WDR1: variants seen among roughly 807,000 people sequenced by gnomAD.
WDR1 encodes WD repeat-containing protein 1.
In WDR1, 21 loss-of-function variants were observed where a neutral mutation model predicts 71.9. That is an observed-to-expected ratio of 0.29 (90% confidence interval 0.21 to 0.42). The LOEUF (loss-of-function observed/expected upper bound fraction) is 0.42, where lower values mean the gene tolerates loss of function less well. Among genes scored for constraint, WDR1 ranks in the 10% least tolerant of loss-of-function variants. The probability of loss-of-function intolerance (pLI) is 1.00; values close to 1 mark genes in which losing one functional copy is unlikely to be tolerated. For missense variants in WDR1, 696 were observed against 824.5 expected (o/e 0.84, Z 1.91); for synonymous variants, 424 against 347.4 (o/e 1.22, Z -2.45).
intron 5 of WDR1, chr4:10,092,325 C>T (rs1481605649): frequency 3.9e-5 from 6 of 152,314 alleles, no homozygotes; most frequent in Non-Finnish European, 7.3e-5. Context: ...TAATCAGCCA[C>T]TGTTCAATTC....
At chr4:10,101,655 A>C (rs549837086) in intron 3 of WDR1, among the ~76,000 whole-genome samples, 1 of 152,180 alleles carries the variant, frequency 6.6e-6, no homozygotes, top group Non-Finnish European at 1.5e-5. Context: ...CAGTCTCCGC[A>C]ACAGCCTTCC....
intron 5 of WDR1, among the ~76,000 whole-genome samples, chr4:10,091,104 G>A (rs3796826): frequency 0.16 from 25,083 of 152,300 alleles, 2,579 homozygotes; most frequent in Middle Eastern, 0.24. Flanking sequence ...ACTACAAGGC[G>A]TGCAGTACCC....
chr4:10,084,589 C>T, intron 8 of WDR1, 59 bp from the exon 9 acceptor site: 1 of 1,529,840 alleles, frequency 6.5e-7, no homozygotes, highest in Non-Finnish European at 9.0e-7. Context: ...CCCTCTGCCA[C>T]CCGCTTTCCA....
intron 3 of WDR1, among the ~76,000 whole-genome samples, chr4:10,102,497 C>T (rs189542907): frequency 2.6e-5 from 4 of 152,340 alleles, no homozygotes; most frequent in Admixed American, 1.3e-4. Context: ...CTCTCACCTT[C>T]TCTTTGTTCT....
chr4:10,098,174 T>C (rs541684515), intron 4 of WDR1, among the ~76,000 whole-genome samples: 20 of 152,342 alleles, frequency 1.3e-4, no homozygotes, highest in African/African-American at 4.3e-4. Flanking sequence ...CCCAGGGCTA[T>C]CTTTACAGCT....
chr4:10,090,861 C>T (rs1354700797), intron 5 of WDR1, among the ~76,000 whole-genome samples: 1 of 152,258 alleles, frequency 6.6e-6, no homozygotes, highest in Admixed American at 6.5e-5. Context: ...GTCCTCCCTG[C>T]CTCATTTCAG....
chr4:10,092,496 C>A, intron 5 of WDR1: 2 of 153,658 alleles, frequency 1.3e-5, no homozygotes, highest in Admixed American at 6.4e-5. Context: ...CTCCCACAGG[C>A]TCTGGCAGGG....
chr4:10,095,558 C>T (rs537487579), intron 5 of WDR1, among the ~76,000 whole-genome samples: 6 of 152,272 alleles, frequency 3.9e-5, no homozygotes, highest in East Asian at 1.9e-4. Context: ...AGAGCACGAC[C>T]GCAGCTTTCC....
At chr4:10,105,499 G>A (rs899234065) in intron 2 of WDR1, among the ~76,000 whole-genome samples, 5 of 152,238 alleles carry the variant, frequency 3.3e-5, no homozygotes, top group African/African-American at 1.2e-4. Flanking sequence ...TACTACGAAT[G>A]ACAAGTAAGC....
intron 4 of WDR1, among the ~76,000 whole-genome samples, chr4:10,098,293 A>G (rs1317673321): frequency 6.6e-6 from 1 of 152,218 alleles, no homozygotes; most frequent in Non-Finnish European, 1.5e-5. Context: ...TTTAGTTACT[A>G]TTTGCTACTG....
chr4:10,076,951 A>G lies in WDR1; in HGVS notation c.1714+353T>C, dbSNP rs4697915. The G allele has an allele frequency of 1.1e-4, 25 of 221,496 alleles. No individual in the cohort carries two copies. In the Admixed American group the frequency reaches 1.3e-3, roughly 12 times the overall value. The allele number at this position is 221,496 out of a possible 1,614,324, so 13.7% of individuals were successfully genotyped here. ...TAAATGTGGCTACCAGGAAATTTCA[A>G]CGCCACATGAGGCTCACATTATACA... On this transcript the variant is annotated intron_variant, in intron 14 of 14. Transcript: ENST00000499869.
intron 2 of WDR1, among the ~76,000 whole-genome samples, chr4:10,104,763 G>A (rs1578443917): frequency 6.6e-6 from 1 of 152,180 alleles, no homozygotes; most frequent in African/African-American, 2.4e-5. Flanking sequence ...TTTCTTTCAG[G>A]AGGGAATAAA....
At chr4:10,104,942 C>T (rs1344491483) in intron 2 of WDR1, among the ~76,000 whole-genome samples, 1 of 152,134 alleles carries the variant, frequency 6.6e-6, no homozygotes, top group African/African-American at 2.4e-5. Flanking sequence ...CCCCTCATCT[C>T]CCTTAGACCC....
chr4:10,116,474 C>G (rs1421339193), intron 1 of WDR1, 177 bp downstream of exon 1: 1 of 743,324 alleles, frequency 1.3e-6, no homozygotes, highest in Non-Finnish European at 1.9e-6. Context: ...GGGGCGCACC[C>G]CCCGTCGGGG....
In WDR1 at chr4:10,088,803, G is replaced by A. The variant is rs1020947692; in HGVS notation, c.559-62C>T. On this transcript the variant is annotated intron_variant, in intron 5 of 14. Transcript: ENST00000499869. The stretch of plus-strand genomic sequence containing the variant: ...CAGGCCTGACTCTAGGTTCAAGAAT[G>A]CTCTCTATGAAACACAGCTTGCAGC... The A allele has an allele frequency of 5.4e-6, 7 of 1,293,238 alleles. No individual in the cohort carries two copies. In the South Asian group the frequency reaches 6.3e-5, roughly 12 times the overall value. The allele number at this position is 1,293,238 out of a possible 1,614,324, so 80.1% of individuals were successfully genotyped here. A position where few individuals can be genotyped will look rare whatever the true frequency, so the allele number is the denominator to read the frequency against.
At chr4:10,106,524 G>T (rs966007382) in intron 2 of WDR1, 1 of 152,246 alleles carries the variant, frequency 6.6e-6, no homozygotes, top group African/African-American at 2.4e-5. Context: ...CAGCCTGGAC[G>T]ACCTCCTCCC....
At chr4:10,082,459 T>C (rs920713602) in intron 10 of WDR1, among the ~76,000 whole-genome samples, 6 of 152,216 alleles carry the variant, frequency 3.9e-5, no homozygotes, top group African/African-American at 1.4e-4. Flanking sequence ...AACATTTCTC[T>C]TTCAAGTCCC....
rs544686524 is a variant in WDR1, at chr4:10,098,346, C to T, written c.378-455G>A. Among the ~76,000 whole-genome samples the T allele has an allele frequency of 3.8e-4, 58 of 152,330 alleles. 1 individual carries two copies. The South Asian group carries it at 0.011, about 29-fold the overall frequency. On this transcript the variant is annotated intron_variant, in intron 4 of 14. Transcript: ENST00000499869. ...GACCAACAGGAATGACTTGAGAAGCCATGGAAAAACACCTACTAGAACATG... is the reference window on the plus strand; with the variant it reads ...GACCAACAGGAATGACTTGAGAAGCTATGGAAAAACACCTACTAGAACATG...
chr4:10,083,457 C>T (rs1293076493), intron 9 of WDR1, among the ~76,000 whole-genome samples: 2 of 152,194 alleles, frequency 1.3e-5, no homozygotes, highest in African/African-American at 4.8e-5. Flanking sequence ...TCCGGCGTCT[C>T]CTCTGCTACT....
Sources: gnomAD v4.1 joint callset for allele counts (sites outside exome capture counted in the v4.1 genomes callset) on GRCh38, gnomAD v4.1.1 for gene constraint, MANE v1.5 for transcripts, NCBI Gene and HGNC (gene_info 2026-07-23, HGNC 2026-07-21) for gene names.